STXBP5L: variants seen among roughly 807,000 people sequenced by gnomAD.
The protein encoded by STXBP5L is syntaxin binding protein 5L, also known as syntaxin-binding protein 5-like.
Under a neutral mutation model 144.5 loss-of-function variants are expected in STXBP5L, and 65 were observed. The observed-to-expected ratio is 0.45, with a 90% CI of 0.37 to 0.55. The LOEUF is 0.55. STXBP5L is among the 20% of genes least tolerant of loss of function. STXBP5L has a pLI of 0.00. For missense variants in STXBP5L, 1,298 were observed against 1,405.5 expected (o/e 0.92, Z 1.22); for synonymous variants, 505 against 469.6 (o/e 1.08, Z -0.97).
intron 19 of STXBP5L, among the ~76,000 whole-genome samples, chr3:121,294,603 G>A (rs2051573140): frequency 6.6e-6 from 1 of 151,276 alleles, no homozygotes; most frequent in South Asian, 2.1e-4. Context: ...GGGGGAAGGA[G>A]GAAGCATAGA....
intron 3 of STXBP5L, among the ~76,000 whole-genome samples, chr3:120,986,305 C>T (rs905204557): frequency 4.6e-5 from 7 of 151,798 alleles, no homozygotes; most frequent in Non-Finnish European, 8.8e-5. Flanking sequence ...ATTGGCCTAA[C>T]GTATGATCTG....
chr3:121,313,092 G>A (rs1487128830), intron 19 of STXBP5L, among the ~76,000 whole-genome samples: 1 of 146,086 alleles, frequency 6.8e-6, no homozygotes, highest in Non-Finnish European at 1.5e-5. Flanking sequence ...GCGGGGGGCT[G>A]ACCCCCCCAC....
At chr3:121,384,327 A>T (rs1207226051) in intron 22 of STXBP5L, among the ~76,000 whole-genome samples, 1 of 152,110 alleles carries the variant, frequency 6.6e-6, no homozygotes, top group Non-Finnish European at 1.5e-5. Flanking sequence ...CTGAAGTGGA[A>T]GTTGGACAAG....
chr3:121,007,192 A>T (rs1309184518), intron 3 of STXBP5L, among the ~76,000 whole-genome samples: 3 of 152,094 alleles, frequency 2.0e-5, no homozygotes, highest in African/African-American at 7.2e-5. Flanking sequence ...AACTACATTA[A>T]TTTTGAATAG....
chr3:121,146,238 G>C (rs1195226001), intron 7 of STXBP5L, among the ~76,000 whole-genome samples: 3 of 151,882 alleles, frequency 2.0e-5, no homozygotes, highest in Non-Finnish European at 2.9e-5. Flanking sequence ...TATTGATTCT[G>C]TTTCTCTGGA....
chr3:121,036,566 T>C (rs1405519409), intron 3 of STXBP5L, among the ~76,000 whole-genome samples: 2 of 152,140 alleles, frequency 1.3e-5, no homozygotes, highest in Admixed American at 6.6e-5. Flanking sequence ...TTCATTATCC[T>C]AGGTAGAAAG....
At chr3:121,261,067 G>C (rs2050368344) in intron 18 of STXBP5L, among the ~76,000 whole-genome samples, 1 of 152,146 alleles carries the variant, frequency 6.6e-6, no homozygotes, top group Non-Finnish European at 1.5e-5. Flanking sequence ...CATCTTCTGA[G>C]TTCACTTCTC....
At chr3:121,362,966 A>G (rs1458608861) in intron 20 of STXBP5L, among the ~76,000 whole-genome samples, 2 of 151,922 alleles carry the variant, frequency 1.3e-5, no homozygotes, top group African/African-American at 4.8e-5. Context: ...TGCTGCCAGA[A>G]CTGGGTTCTT....
chr3:121,061,153 G>T (rs1246311095), intron 5 of STXBP5L, among the ~76,000 whole-genome samples: 1 of 152,176 alleles, frequency 6.6e-6, no homozygotes. Context: ...CTGTGTCCCA[G>T]AGATTCTGGT....
At chr3:121,001,165 G>A (rs750453542) in intron 3 of STXBP5L, among the ~76,000 whole-genome samples, 12 of 152,218 alleles carry the variant, frequency 7.9e-5, no homozygotes, top group Non-Finnish European at 1.6e-4. Context: ...ATAGGCATGT[G>A]TACTGGCATA....
intron 5 of STXBP5L, among the ~76,000 whole-genome samples, chr3:121,092,826 G>T (rs145487754): frequency 6.6e-6 from 1 of 151,898 alleles, no homozygotes; most frequent in African/African-American, 2.4e-5. Context: ...GGAGTGGTGA[G>T]AGAGGGCATC....
Position 121,308,231 on chromosome 3 carries a change from C to T in STXBP5L, c.2111-10244C>T, listed in dbSNP as rs77373873. ...CGTTTACCTATGTAAGAAACCTGCA[C>T]GTCCTACACATGTATCCCAGAACTT... is the stretch of plus-strand genomic sequence containing the variant. On this transcript the variant is annotated intron_variant, in intron 19 of 26. Coordinates refer to ENST00000471454, the MANE Select transcript of STXBP5L (RefSeq NM_001308330.2). Among the ~76,000 whole-genome samples the T allele has an allele frequency of 9.0e-3, 1,367 of 152,162 alleles. 10 individuals carry two copies. Among genetic ancestry groups the T allele is most frequent in the Non-Finnish European group, 0.014 (943 of 68,000 alleles).
intron 20 of STXBP5L, among the ~76,000 whole-genome samples, chr3:121,367,607 T>TG (rs1311914421): frequency 7.8e-5 from 11 of 140,784 alleles, no homozygotes; most frequent in Non-Finnish European, 1.2e-4. Flanking sequence ...TTTTTTTTTT[T>TG]TTTTTTTTTT....
At chr3:121,093,516 G>A (rs528802750) in intron 5 of STXBP5L, among the ~76,000 whole-genome samples, 3 of 152,206 alleles carry the variant, frequency 2.0e-5, no homozygotes, top group Admixed American at 1.3e-4. Context: ...TATATGTGTC[G>A]AGGAATTTAT....
chr3:121,405,191 T>C (rs1332964135), intron 22 of STXBP5L, among the ~76,000 whole-genome samples: 1 of 152,058 alleles, frequency 6.6e-6, no homozygotes, highest in East Asian at 1.9e-4. Context: ...ATAGTGGGGG[T>C]TGGGGCTTTA....
At position 120,964,253 on chromosome 3, in the gene STXBP5L, T is replaced by C. The variant is rs567005261; in HGVS notation, c.287+9216T>C. On this transcript the variant is annotated intron_variant, in intron 3 of 26. Transcript: ENST00000471454. ...CTGGATTCATTGATGTTTTGAAGGG[T>C]TTTTTGTGTCTCTATCTCCTTCAGT... Among the ~76,000 whole-genome samples the C allele has an allele frequency of 2.8e-4, 42 of 152,244 alleles. No individual in the cohort carries two copies. The South Asian group carries it at 8.7e-3, about 32-fold the overall frequency.
chr3:121,199,341 G>A (rs1449216636), intron 9 of STXBP5L, among the ~76,000 whole-genome samples: 1 of 152,152 alleles, frequency 6.6e-6, no homozygotes. Context: ...TGTATCTTGA[G>A]ACTCTGCTGA....
chr3:121,019,117 C>A (rs9839106), intron 3 of STXBP5L, among the ~76,000 whole-genome samples: 26 of 152,028 alleles, frequency 1.7e-4, no homozygotes, highest in Admixed American at 1.7e-3. Flanking sequence ...CCCCACTTCC[C>A]GGGTGACCTG....
chr3:121,395,719 A>G lies in STXBP5L; in HGVS notation c.2588-11524A>G, dbSNP rs1232084045. On this transcript the variant is annotated intron_variant, in intron 22 of 26. Transcript: ENST00000471454. ...CCTTGTTGAAGGAATACTCACAGCA[A>G]TGGTGATACCGCTATCATAGCTACC... Among the ~76,000 whole-genome samples, 6 of 152,226 alleles carry G rather than the reference A, an allele frequency of 3.9e-5. No individual in the cohort carries two copies. The East Asian group carries it at 9.6e-4, about 24-fold the overall frequency.
Sources: gnomAD v4.1 joint callset for allele counts (sites outside exome capture counted in the v4.1 genomes callset) on GRCh38, gnomAD v4.1.1 for gene constraint, MANE v1.5 for transcripts, NCBI Gene and HGNC (gene_info 2026-07-23, HGNC 2026-07-21) for gene names.